FIGN: variants seen among roughly 807,000 people sequenced by gnomAD.
FIGN encodes fidgetin, microtubule severing factor, also known as fidgetin.
A neutral mutation model predicts 51.3 loss-of-function variants in FIGN; 11 were observed. The ratio of observed to expected loss-of-function variants is 0.21; its 90% CI spans 0.13 to 0.35. The LOEUF is 0.35. FIGN is among the 10% of genes least tolerant of loss of function. The pLI, the probability that FIGN is intolerant of heterozygous loss-of-function variation, is 1.00. For missense variants in FIGN, 857 were observed against 943.6 expected (o/e 0.91, Z 1.20); for synonymous variants, 407 against 363.2 (o/e 1.12, Z -1.37).
rs1429800196 is a variant in FIGN at position 163,605,887 on chromosome 2, AC to A, written c.*3664del. ...AAATTTACAAAGACCTATTATAGGA[AC>A]TAATTTGGATTTTTTTTTTTTTTGG... On this transcript the variant is annotated 3_prime_UTR_variant, in exon 3 of 3. Transcript: ENST00000333129. 2.1e-5 allele frequency: 3 copies of A among 145,716 alleles called. No homozygotes were observed. The highest frequency in any genetic ancestry group is 3.0e-5 in the Non-Finnish European group (2 of 66,928). The allele number at this position is 145,716 out of a possible 1,614,324, so 9.0% of individuals were successfully genotyped here. A position where few individuals can be genotyped will look rare whatever the true frequency, so the allele number is the denominator to read the frequency against.
rs7567648 is a variant in FIGN, at chr2:163,675,918, G to A, written c.25+58985C>T. ...CTCAGTGGCACAGGAATCTTGTACCGCAAAGCAAATACCTGGGAGAGCTGG... is the reference window on the plus strand; with the variant it reads ...CTCAGTGGCACAGGAATCTTGTACCACAAAGCAAATACCTGGGAGAGCTGG... On this transcript the variant is annotated intron_variant, in intron 2 of 2. Transcript: ENST00000333129. Among the ~76,000 whole-genome samples, 994 of 150,400 alleles carry A rather than the reference G, an allele frequency of 6.6e-3. 9 individuals carry two copies. Among genetic ancestry groups the A allele is most frequent in the African/African-American group, 0.023 (930 of 40,942 alleles).
At position 163,604,610 on chromosome 2, in the gene FIGN, A is replaced by C. The variant is rs997235566; in HGVS notation, c.*4942T>G. 2 of 152,146 alleles carry C rather than the reference A, an allele frequency of 1.3e-5. No individual in the cohort carries two copies. The highest frequency in any genetic ancestry group is 2.9e-5 in the Non-Finnish European group (2 of 68,006). 9.4% of individuals were successfully genotyped at this position (152,146 alleles called of 1,614,324 possible). ...TACGAAATGCATGACATTCAAAAAA[A>C]GACAACAAATAAATACTACATGTAC... On this transcript the variant is annotated 3_prime_UTR_variant, in exon 3 of 3. Transcript: ENST00000333129.
At chr2:163,660,346 C>T (rs956188156) in intron 2 of FIGN, among the ~76,000 whole-genome samples, 16 of 151,958 alleles carry the variant, frequency 1.1e-4, no homozygotes, top group African/African-American at 3.9e-4. Context: ...CCTTTACTTC[C>T]TTCTCATTGA....
Position 163,611,452 on chromosome 2 carries a change from A to C in FIGN, c.380T>G (p.Val127Gly). ...GACTCCAGCTTTGCTGGCAGTGATA[A>C]CATCCGGAACACAGTTCATGGGATA... ...AVYPMNCVPD[V>G]ITASKAGVSS... Residue 127 changes from valine to glycine, a missense_variant, in exon 3 of 3, where the codon GTT becomes GGT. By Grantham distance (109) the Val-to-Gly change is moderately radical. This residue lies in a region of FIGN where 799 missense variants were observed against 849.5 expected (regional missense o/e 0.94). Transcript: ENST00000333129. 6.2e-7 allele frequency: 1 copy of C among 1,614,168 alleles called. No homozygotes were observed. The highest frequency in any genetic ancestry group is 1.1e-5 in the South Asian group (1 of 91,082).
chr2:163,604,454 C>G lies in FIGN; in HGVS notation c.*5098G>C, dbSNP rs918714085. The G allele has an allele frequency of 6.6e-6, 1 of 152,030 alleles. No homozygotes were observed. The highest frequency in any genetic ancestry group is 6.6e-5 in the Admixed American group (1 of 15,220). 9.4% of individuals were successfully genotyped at this position (152,030 alleles called of 1,614,324 possible). A position where few individuals can be genotyped will look rare whatever the true frequency, so the allele number is the denominator to read the frequency against. On this transcript the variant is annotated 3_prime_UTR_variant, in exon 3 of 3. Transcript: ENST00000333129. ...TACAATTAAAAGTCCATCAGTATCC[C>G]AAGTACTCGTGCATTATCTACCCTG...
rs1472058844 is a variant in FIGN, at chr2:163,607,927, A to C, written c.*1625T>G. On this transcript the variant is annotated 3_prime_UTR_variant, in exon 3 of 3. Transcript: ENST00000333129. ...AGAACAACTTGACAGAGAGCAGGAGAAAAATAGGAAATTAAGAAAAATGCC... is the reference window on the plus strand; with the variant it reads ...AGAACAACTTGACAGAGAGCAGGAGCAAAATAGGAAATTAAGAAAAATGCC... The C allele has an allele frequency of 6.5e-6, 1 of 152,690 alleles. No individual in the cohort carries two copies. Among genetic ancestry groups the C allele is most frequent in the South Asian group, 2.1e-4 (1 of 4,826 alleles). The allele number at this position is 152,690 out of a possible 1,614,324, so 9.5% of individuals were successfully genotyped here. A position where few individuals can be genotyped will look rare whatever the true frequency, so the allele number is the denominator to read the frequency against.
At chr2:163,622,989 T>G (rs2105306476) in intron 2 of FIGN, among the ~76,000 whole-genome samples, 1 of 152,280 alleles carries the variant, frequency 6.6e-6, no homozygotes, top group Middle Eastern at 3.4e-3. Context: ...CATGTGCCTC[T>G]TCATAGCACA....
chr2:163,659,810 C>T (rs1683621825), intron 2 of FIGN, among the ~76,000 whole-genome samples: 1 of 152,126 alleles, frequency 6.6e-6, no homozygotes, highest in Non-Finnish European at 1.5e-5. Context: ...GTGGCATGTG[C>T]ATAGTAAAGA....
At chr2:163,669,298 A>T (rs961892525) in intron 2 of FIGN, among the ~76,000 whole-genome samples, 1 of 151,996 alleles carries the variant, frequency 6.6e-6, no homozygotes, top group African/African-American at 2.4e-5. Flanking sequence ...GCAGCCTTCA[A>T]CCTCTCAGGC....
intron 2 of FIGN, among the ~76,000 whole-genome samples, chr2:163,629,931 CA>C (rs1484449615): frequency 7.7e-6 from 1 of 129,380 alleles, no homozygotes; most frequent in Non-Finnish European, 1.6e-5. Flanking sequence ...TTCAGACCAA[CA>C]TAGGGTGAAG....
intron 2 of FIGN, among the ~76,000 whole-genome samples, chr2:163,660,815 A>ATATATATATATGTG (rs1559012452): frequency 1.4e-5 from 1 of 71,760 alleles, no homozygotes; most frequent in African/African-American, 4.9e-5. Context: ...ATATATATAC[A>ATATATATATATGTG]TATACATATA....
intron 2 of FIGN, among the ~76,000 whole-genome samples, chr2:163,730,691 CT>C (rs1369091559): frequency 2.0e-5 from 3 of 152,082 alleles, no homozygotes; most frequent in Admixed American, 6.5e-5. Flanking sequence ...AAATTTATAG[CT>C]TTTTCTGAAC....
At chr2:163,705,987 T>A (rs181204173) in intron 2 of FIGN, among the ~76,000 whole-genome samples, 1 of 152,300 alleles carries the variant, frequency 6.6e-6, no homozygotes, top group Admixed American at 6.5e-5. Context: ...AAAACCTTGC[T>A]GAAACCTTAT....
intron 2 of FIGN, among the ~76,000 whole-genome samples, chr2:163,682,416 T>C (rs1204747220): frequency 6.6e-6 from 1 of 152,164 alleles, no homozygotes; most frequent in Non-Finnish European, 1.5e-5. Context: ...TTATTAAGCT[T>C]TGTCTATGCT....
intron 2 of FIGN, among the ~76,000 whole-genome samples, chr2:163,659,283 A>G (rs1168258768): frequency 6.6e-6 from 1 of 152,228 alleles, no homozygotes; most frequent in Non-Finnish European, 1.5e-5. Flanking sequence ...GAAATTTGAA[A>G]GGCACACTGT....
At chr2:163,643,798 G>A (rs569864233) in intron 2 of FIGN, among the ~76,000 whole-genome samples, 64 of 151,460 alleles carry the variant, frequency 4.2e-4, no homozygotes, top group Middle Eastern at 3.4e-3. Context: ...TGGGTGTGGT[G>A]GCGTGCACCT....
chr2:163,680,797 G>A (rs1382930338), intron 2 of FIGN, among the ~76,000 whole-genome samples: 1 of 150,942 alleles, frequency 6.6e-6, no homozygotes, highest in Admixed American at 6.6e-5. Flanking sequence ...TTGTTATATA[G>A]TAAAATTATA....
intron 2 of FIGN, among the ~76,000 whole-genome samples, chr2:163,723,031 C>G (rs956738792): frequency 1.3e-5 from 2 of 151,318 alleles, no homozygotes; most frequent in African/African-American, 2.4e-5. Flanking sequence ...CTAAAAAATA[C>G]AAAAAAATTA....
intron 2 of FIGN, among the ~76,000 whole-genome samples, chr2:163,733,756 G>A (rs955345581): frequency 3.3e-5 from 5 of 152,076 alleles, no homozygotes; most frequent in East Asian, 1.9e-4. Flanking sequence ...CGTGTATGTC[G>A]CGCAACGGGT....
Sources: allele counts gnomAD v4.1 joint callset (sites outside exome capture counted in the v4.1 genomes callset), GRCh38; gene constraint gnomAD v4.1.1; regional missense constraint gnomAD v4.1.1; transcripts MANE v1.5; gene names NCBI Gene and HGNC (gene_info 2026-07-23, HGNC 2026-07-21).